GRM4: variants seen among roughly 807,000 people sequenced by gnomAD.
GRM4 encodes the protein glutamate metabotropic receptor 4.
Under a neutral mutation model 81.7 loss-of-function variants are expected in GRM4, and 28 were observed. The ratio of observed to expected loss-of-function variants is 0.34; its 90% confidence interval spans 0.25 to 0.47. The LOEUF (loss-of-function observed/expected upper bound fraction) is 0.47, where lower values mean the gene tolerates loss of function less well. Ranked by LOEUF, GRM4 falls within the 20% of genes least tolerant of loss-of-function variation. The probability of loss-of-function intolerance (pLI) is 1.00; values close to 1 mark genes in which losing one functional copy is unlikely to be tolerated. For missense variants in GRM4, 948 were observed against 1,290.0 expected (o/e 0.73, Z 4.06); for synonymous variants, 488 against 528.8 (o/e 0.92, Z 1.06).
intron 2 of GRM4, among the ~76,000 whole-genome samples, chr6:34,107,759 G>A (rs527333098): frequency 1.3e-5 from 2 of 152,196 alleles, no homozygotes; most frequent in Non-Finnish European, 1.5e-5. Flanking sequence ...TGACGGGCAG[G>A]ATGAGCCCTG....
chr6:34,132,666 T>C lies in GRM4; in HGVS notation c.519+312A>G, dbSNP rs569131895. On this transcript the variant is annotated intron_variant, in intron 2 of 10. Coordinates refer to ENST00000538487, the MANE Select transcript of GRM4 (RefSeq NM_000841.4). ...CATCCTTTTCCTCCTGGTACAGAAT[T>C]CCCCAGAGAGGAGTGGAGTTGCTCA... Among the ~76,000 whole-genome samples, 3 of 152,244 alleles carry C rather than the reference T, an allele frequency of 2.0e-5. No individual in the cohort carries two copies. In the South Asian group the frequency reaches 6.2e-4, roughly 32 times the overall value.
rs1332940803 is a variant in GRM4, at chr6:34,130,067, C to T, written c.519+2911G>A. Among the ~76,000 whole-genome samples the T allele has an allele frequency of 6.6e-6, 1 of 152,144 alleles. No homozygotes were observed. Among genetic ancestry groups the T allele is most frequent in the Non-Finnish European group, 1.5e-5 (1 of 68,024 alleles). ...CTGGTGGTGGGCGCAGGTCCCCTCCCCCAAGGCATCCCTCCCTCACCCTCT... is the reference window on the plus strand; with the variant it reads ...CTGGTGGTGGGCGCAGGTCCCCTCCTCCAAGGCATCCCTCCCTCACCCTCT... On this transcript the variant is annotated intron_variant, in intron 2 of 10. Coordinates refer to ENST00000538487, the MANE Select transcript of GRM4 (RefSeq NM_000841.4). The surrounding 1 kb of genome is among the most constrained non-coding windows in gnomAD (Gnocchi z 4.1).
At chr6:34,040,403 C>A in intron 7 of GRM4, 89 bp from the exon 8 acceptor site, 1 of 1,474,430 alleles carries the variant, frequency 6.8e-7, no homozygotes, top group South Asian at 1.2e-5. Context: ...CTGACACACC[C>A]ATTCATGGAA....
At position 34,021,242 on chromosome 6, in the gene GRM4, A is replaced by C. The variant is rs1374505322; in HGVS notation, c.*1579T>G. ...GCACGCATGCGCATGGAGGCGCTGG[A>C]CGTGCACACAGACACACAGCCAACA... On this transcript the variant is annotated 3_prime_UTR_variant, in exon 11 of 11. Transcript: ENST00000538487. The surrounding 1 kb of genome is among the most constrained non-coding windows in gnomAD (Gnocchi z 5.3). 6.6e-6 allele frequency: 1 copy of C among 152,460 alleles called. No homozygotes were observed. The highest frequency in any genetic ancestry group is 1.5e-5 in the Non-Finnish European group (1 of 68,212). The allele number at this position is 152,460 out of a possible 1,614,324, so 9.4% of individuals were successfully genotyped here.
At position 34,090,497 on chromosome 6, in the gene GRM4, C is replaced by G. The variant is rs1339753276; in HGVS notation, c.736+1386G>C. Among the ~76,000 whole-genome samples the G allele has an allele frequency of 1.3e-5, 2 of 152,080 alleles. No individual in the cohort carries two copies. Among genetic ancestry groups the G allele is most frequent in the Non-Finnish European group, 2.9e-5 (2 of 67,990 alleles). ...GGCTCGGAGGCTCTGACACTGTCCGCCAGGGTTCCCAGGTGCTATTGCCAG... is the reference window on the plus strand; with the variant it reads ...GGCTCGGAGGCTCTGACACTGTCCGGCAGGGTTCCCAGGTGCTATTGCCAG... On this transcript the variant is annotated intron_variant, in intron 3 of 10. Coordinates refer to ENST00000538487, the MANE Select transcript of GRM4 (RefSeq NM_000841.4). The surrounding 1 kb of genome is among the most constrained non-coding windows in gnomAD (Gnocchi z 5.2).
intron 9 of GRM4, among the ~76,000 whole-genome samples, chr6:34,029,064 C>A (rs1764281064): frequency 1.3e-5 from 2 of 152,216 alleles, no homozygotes; most frequent in African/African-American, 2.4e-5. Context: ...AATAGTAGAG[C>A]CTTCCAGGCA....
At chr6:34,109,218 T>C (rs1444259889) in intron 2 of GRM4, among the ~76,000 whole-genome samples, 1 of 152,196 alleles carries the variant, frequency 6.6e-6, no homozygotes, top group African/African-American at 2.4e-5. Flanking sequence ...AGGCAGGAGA[T>C]GCCCGCTGGC....
chr6:34,105,275 G>T (rs766114957), intron 2 of GRM4, among the ~76,000 whole-genome samples: 3 of 152,062 alleles, frequency 2.0e-5, no homozygotes, highest in African/African-American at 7.2e-5. Context: ...GGCTCTGGGG[G>T]CTTCCACTGG....
At chr6:34,138,008 C>T (rs146153892) in intron 1 of GRM4, among the ~76,000 whole-genome samples, 16 of 152,238 alleles carry the variant, frequency 1.1e-4, no homozygotes, top group African/African-American at 2.9e-4. Context: ...AAACAACAAC[C>T]GGATCCGAAG....
intron 8 of GRM4, among the ~76,000 whole-genome samples, chr6:34,037,638 G>A (rs917540252): frequency 6.6e-6 from 1 of 152,136 alleles, no homozygotes; most frequent in African/African-American, 2.4e-5. Flanking sequence ...GGCAAGGCGG[G>A]AGGATCATGA....
At chr6:34,144,674 C>T (rs1770848174) in intron 1 of GRM4, among the ~76,000 whole-genome samples, 1 of 152,042 alleles carries the variant, frequency 6.6e-6, no homozygotes, top group Non-Finnish European at 1.5e-5. Context: ...GGGAGACTGC[C>T]GGGAAGAGGT....
chr6:34,110,705 C>T, intron 2 of GRM4: 2 of 1,522,900 alleles, frequency 1.3e-6, no homozygotes, highest in Non-Finnish European at 8.8e-7. Flanking sequence ...CCTCAGCCTC[C>T]CCGCTGTGCC....
At chr6:34,112,990 C>T (rs1042492753) in intron 2 of GRM4, among the ~76,000 whole-genome samples, 1 of 152,236 alleles carries the variant, frequency 6.6e-6, no homozygotes, top group Non-Finnish European at 1.5e-5. Flanking sequence ...TGTCCTTAAC[C>T]ATTCCCTTTG....
At chr6:34,051,937 C>A (rs568058918) in intron 6 of GRM4, among the ~76,000 whole-genome samples, 30 of 152,298 alleles carry the variant, frequency 2.0e-4, no homozygotes, top group Non-Finnish European at 4.0e-4. Flanking sequence ...GAAGTGGCAG[C>A]ACCAGCATTC....
chr6:34,142,827 G>T (rs370777838), intron 1 of GRM4, among the ~76,000 whole-genome samples: 2 of 152,214 alleles, frequency 1.3e-5, no homozygotes, highest in African/African-American at 4.8e-5. Context: ...AGGGAGGAGG[G>T]GGGGAGGAGG....
At chr6:34,065,589 G>C (rs1268428059) in intron 3 of GRM4, among the ~76,000 whole-genome samples, 2 of 152,164 alleles carry the variant, frequency 1.3e-5, no homozygotes, top group African/African-American at 4.8e-5. Context: ...GGTCTCCCTT[G>C]GCAAGCCCCT....
At position 34,104,296 on chromosome 6, in the gene GRM4, G is replaced by A. The variant is rs577512886; in HGVS notation, c.520-12197C>T. ...GGGCTGGGGACATGGAGCAGGCTGG[G>A]CCAGGGCCAGGCATCCTTGCCAGTG... On this transcript the variant is annotated intron_variant, in intron 2 of 10. Coordinates refer to ENST00000538487, the MANE Select transcript of GRM4 (RefSeq NM_000841.4). Among the ~76,000 whole-genome samples, 109 of 152,340 alleles carry A rather than the reference G, an allele frequency of 7.2e-4. 1 individual carries two copies. The highest frequency in any genetic ancestry group is 2.3e-3 in the African/African-American group (95 of 41,582).
chr6:34,055,241 C>A (rs1044908587), intron 6 of GRM4: 7 of 152,210 alleles, frequency 4.6e-5, no homozygotes, highest in African/African-American at 1.4e-4. Context: ...ACACACATCC[C>A]TTCTCTCTCA....
intron 3 of GRM4, among the ~76,000 whole-genome samples, chr6:34,088,298 A>G (rs1284634902): frequency 6.6e-6 from 1 of 151,924 alleles, no homozygotes; most frequent in Non-Finnish European, 1.5e-5. Flanking sequence ...TAATTTTTGT[A>G]TTTTTAGTAG....
Sources: allele counts gnomAD v4.1 joint callset (sites outside exome capture counted in the v4.1 genomes callset), GRCh38; gene constraint gnomAD v4.1.1; non-coding constraint Gnocchi (gnomAD v3.1); transcripts MANE v1.5; gene names NCBI Gene and HGNC (gene_info 2026-07-23, HGNC 2026-07-21).